RELN: variants seen among roughly 807,000 people sequenced by gnomAD.
RELN encodes the protein reelin.
Under a neutral mutation model 427.6 loss-of-function variants are expected in RELN, and 108 were observed. The observed-to-expected ratio is 0.25, with a 90% CI of 0.22 to 0.30. The LOEUF (loss-of-function observed/expected upper bound fraction) is 0.30, where lower values mean the gene tolerates loss of function less well. RELN is among the 10% of genes least tolerant of loss of function. RELN has a pLI of 1.00. For synonymous variants in RELN, 1,524 were observed against 1,513.4 expected, an observed-to-expected ratio of 1.01 and a Z score of -0.16; for missense variants, 3,715 against 4,302.8, an observed-to-expected ratio of 0.86 and a Z score of 3.82.
chr7:103,819,489 C>T (rs2116366832), intron 3 of RELN, among the ~76,000 whole-genome samples: 1 of 152,014 alleles, frequency 6.6e-6, no homozygotes, highest in South Asian at 2.1e-4. Context: ...AATAAAAGCT[C>T]GATTGAGAGT....
chr7:103,980,947 G>C (rs1796981186), intron 1 of RELN, among the ~76,000 whole-genome samples: 1 of 152,162 alleles, frequency 6.6e-6, no homozygotes, highest in Admixed American at 6.5e-5. Context: ...AATACAGGAA[G>C]TGTTTATTAA....
Position 103,843,972 on chromosome 7 carries a change from C to A in RELN, c.338-10300G>T, listed in dbSNP as rs111864867. Among the ~76,000 whole-genome samples the A allele has an allele frequency of 1.7e-3, 254 of 152,234 alleles. 1 individual carries two copies. Among genetic ancestry groups the A allele is most frequent in the African/African-American group, 5.9e-3 (246 of 41,546 alleles). ...TCACTTCGCACTGCCTGCCCCCAGC[C>A]TCTCCTCAAACTAACGGCAACATGC... On this transcript the variant is annotated intron_variant, in intron 2 of 64. Coordinates refer to ENST00000428762, the MANE Select transcript of RELN (RefSeq NM_005045.4).
chr7:103,592,175 T>A (rs781511876), intron 27 of RELN, among the ~76,000 whole-genome samples: 2 of 152,148 alleles, frequency 1.3e-5, no homozygotes, highest in Non-Finnish European at 2.9e-5. Flanking sequence ...AGTTTTTTGA[T>A]CCTCTCCCTT....
Position 103,626,410 on chromosome 7 carries a change from G to C in RELN, c.2702+3530C>G, listed in dbSNP as rs1832330645. Among the ~76,000 whole-genome samples the C allele has an allele frequency of 6.6e-6, 1 of 152,080 alleles. No individual in the cohort carries two copies. Among genetic ancestry groups the C allele is most frequent in the South Asian group, 2.1e-4 (1 of 4,826 alleles). The stretch of plus-strand genomic sequence containing the variant: ...CTGTCACCCAGGCTGGAGTGCATTG[G>C]CATGATCTCGGCTCACTGCAACTTC... On this transcript the variant is annotated intron_variant, in intron 20 of 64. Coordinates refer to ENST00000428762, the MANE Select transcript of RELN (RefSeq NM_005045.4). This position sits in a 1 kb window ranked among gnomAD's most constrained non-coding sequence, Gnocchi z 4.4.
chr7:103,703,174 C>A (rs372747123), intron 8 of RELN, among the ~76,000 whole-genome samples: 1 of 152,094 alleles, frequency 6.6e-6, no homozygotes, highest in East Asian at 1.9e-4. Flanking sequence ...GGAGCACCCC[C>A]CAAGAGAGCG....
At chr7:103,552,501 CTTTT>C (rs35546410) in intron 40 of RELN, among the ~76,000 whole-genome samples, 1 of 119,348 alleles carries the variant, frequency 8.4e-6, no homozygotes. Flanking sequence ...TTCCTGAATT[CTTTT>C]TTTTTTTTTT....
At chr7:103,518,185 T>C (rs113494760) in intron 49 of RELN, among the ~76,000 whole-genome samples, 65 of 152,284 alleles carry the variant, frequency 4.3e-4, no homozygotes, top group African/African-American at 1.5e-3. Flanking sequence ...AATTAAGTAA[T>C]TTTGTCTTTC....
intron 10 of RELN, among the ~76,000 whole-genome samples, chr7:103,683,074 G>A (rs895705444): frequency 6.6e-6 from 1 of 151,990 alleles, no homozygotes; most frequent in African/African-American, 2.4e-5. Flanking sequence ...TTGGGGCTGG[G>A]CATGGGAAGC....
In RELN at chr7:103,472,904, G is replaced by C. The variant is rs1186048226; in HGVS notation, c.10291C>G (p.Arg3431Gly). ...AAATTCATCATGTAATTTTGTTTGC[G>C]AGTGCTGTTAAAATCAAACAGGATA... ...DHVEVVLVST[R>G]KQNYMMNFSR... Residue 3431 changes from arginine to glycine, a missense_variant, in exon 65 of 65, where the codon CGC becomes GGC. By Grantham distance (125) the Arg-to-Gly change is moderately radical (BLOSUM62 -2). Around this residue, in one of 4 missense-constraint regions of RELN, gnomAD observed 195 missense variants for 281.3 expected, o/e 0.69. Coordinates refer to ENST00000428762, the MANE Select transcript of RELN (RefSeq NM_005045.4). 1 of 1,613,412 alleles carries C rather than the reference G, an allele frequency of 6.2e-7. No homozygotes were observed. Among genetic ancestry groups the C allele is most frequent in the Non-Finnish European group, 8.5e-7 (1 of 1,179,422 alleles).
chr7:103,839,436 A>G (rs997457861), intron 2 of RELN, among the ~76,000 whole-genome samples: 4 of 151,940 alleles, frequency 2.6e-5, no homozygotes, highest in African/African-American at 9.7e-5. Flanking sequence ...TCTAAAATCA[A>G]CCAGCAAGAA....
At chr7:103,794,971 T>C (rs1228953892) in intron 3 of RELN, among the ~76,000 whole-genome samples, 1 of 152,208 alleles carries the variant, frequency 6.6e-6, no homozygotes, top group Non-Finnish European at 1.5e-5. Flanking sequence ...TGAATACATA[T>C]GCATTTTGAC....
In RELN at chr7:103,752,116, A is replaced by G. The variant is rs369545434; in HGVS notation, c.577+1066T>C. On this transcript the variant is annotated intron_variant, in intron 5 of 64. Transcript: ENST00000428762. ...TCCAAACACCACTATATTATTTACC[A>G]TACACTTTATGAAAACAAAATCATT... is the stretch of plus-strand genomic sequence containing the variant. Among the ~76,000 whole-genome samples, 16 of 152,326 alleles carry G rather than the reference A, an allele frequency of 1.1e-4. No homozygotes were observed. In the East Asian group the frequency reaches 2.1e-3, roughly 20 times the overall value.
chr7:103,688,138 A>G (rs1833800977), intron 10 of RELN, among the ~76,000 whole-genome samples: 1 of 152,124 alleles, frequency 6.6e-6, no homozygotes, highest in African/African-American at 2.4e-5. Context: ...GAATTTAGGT[A>G]GACAGCATGC....
chr7:103,762,192 T>C (rs1482726644), intron 4 of RELN, among the ~76,000 whole-genome samples: 1 of 152,156 alleles, frequency 6.6e-6, no homozygotes, highest in East Asian at 1.9e-4. Context: ...TCCTTGGCCC[T>C]TTCCCCTCCC....
At chr7:103,796,818 C>G (rs1792309208) in intron 3 of RELN, among the ~76,000 whole-genome samples, 1 of 149,882 alleles carries the variant, frequency 6.7e-6, no homozygotes, top group Admixed American at 6.7e-5. Flanking sequence ...CCAAGATTGC[C>G]CCGCTGCACT....
intron 2 of RELN, among the ~76,000 whole-genome samples, chr7:103,903,901 T>C (rs910465967): frequency 8.6e-5 from 13 of 152,002 alleles, no homozygotes; most frequent in Non-Finnish European, 1.6e-4. Flanking sequence ...GTTTGTTACA[T>C]AGGTATACAT....
chr7:103,982,268 C>T (rs1039551174), intron 1 of RELN, among the ~76,000 whole-genome samples: 6 of 152,240 alleles, frequency 3.9e-5, no homozygotes, highest in South Asian at 2.1e-4. Flanking sequence ...GATATGAACA[C>T]GGGTCTATCT....
chr7:103,799,940 G>A (rs1792402955), intron 3 of RELN, among the ~76,000 whole-genome samples: 1 of 151,378 alleles, frequency 6.6e-6, no homozygotes, highest in African/African-American at 2.5e-5. Context: ...CTCAATAGAT[G>A]CAGAAAAGGG....
chr7:103,810,745 C>T (rs1792721994), intron 3 of RELN, among the ~76,000 whole-genome samples: 1 of 152,168 alleles, frequency 6.6e-6, no homozygotes, highest in East Asian at 1.9e-4. Flanking sequence ...AGAATAAATA[C>T]TGGTCATTGT....
Sources: allele counts gnomAD v4.1 joint callset (sites outside exome capture counted in the v4.1 genomes callset), GRCh38; gene constraint gnomAD v4.1.1; regional missense constraint gnomAD v4.1.1; non-coding constraint Gnocchi (gnomAD v3.1); transcripts MANE v1.5; gene names NCBI Gene and HGNC (gene_info 2026-07-23, HGNC 2026-07-21).